CFAP20DC: variants seen among roughly 807,000 people sequenced by gnomAD.
CFAP20DC encodes the protein protein CFAP20DC.
In CFAP20DC, 84 loss-of-function variants were observed where a neutral mutation model predicts 101.7. The observed-to-expected ratio is 0.83, with a 90% CI of 0.69 to 0.99. CFAP20DC has a LOEUF of 0.99. Among genes scored for constraint, CFAP20DC ranks in the 50% least tolerant of loss-of-function variants. The probability of loss-of-function intolerance (pLI) is 0.00; values close to 1 mark genes in which losing one functional copy is unlikely to be tolerated. For missense variants in CFAP20DC, 1,007 were observed against 970.3 expected (o/e 1.04, Z -0.50); for synonymous variants, 359 against 351.2 (o/e 1.02, Z -0.25).
At chr3:58,853,162 A>C (rs1277363999) in intron 12 of CFAP20DC, among the ~76,000 whole-genome samples, 1 of 152,180 alleles carries the variant, frequency 6.6e-6, no homozygotes, top group African/African-American at 2.4e-5. Context: ...ATCACCACTG[A>C]TCCCACAGAA....
At chr3:58,890,223 G>A (rs1169671779) in intron 6 of CFAP20DC, among the ~76,000 whole-genome samples, 1 of 149,744 alleles carries the variant, frequency 6.7e-6, no homozygotes, top group Non-Finnish European at 1.5e-5. Flanking sequence ...GGCTGGCCGG[G>A]CAGAGGGGCT....
At chr3:58,936,555 A>G (rs574295933) in intron 5 of CFAP20DC, among the ~76,000 whole-genome samples, 1 of 152,364 alleles carries the variant, frequency 6.6e-6, no homozygotes, top group East Asian at 1.9e-4. Flanking sequence ...CTGGATTAAA[A>G]AAATGTGGCA....
intron 13 of CFAP20DC, among the ~76,000 whole-genome samples, chr3:58,848,149 C>G (rs1262205962): frequency 3.9e-4 from 34 of 86,474 alleles, no homozygotes; most frequent in African/African-American, 1.7e-3. Flanking sequence ...CACATGTACC[C>G]TAAAACTTAA....
intron 15 of CFAP20DC, among the ~76,000 whole-genome samples, chr3:58,777,219 C>A (rs941595410): frequency 1.3e-5 from 2 of 152,180 alleles, no homozygotes; most frequent in African/African-American, 4.8e-5. Context: ...AACCATTTGT[C>A]TCTTACCTAC....
intron 15 of CFAP20DC, among the ~76,000 whole-genome samples, chr3:58,767,325 C>T (rs530273124): frequency 1.3e-5 from 2 of 152,138 alleles, no homozygotes; most frequent in Admixed American, 6.6e-5. Context: ...CACACACCTG[C>T]TTCTTTATAG....
At chr3:59,028,756 C>G (rs1370133397) in intron 4 of CFAP20DC, among the ~76,000 whole-genome samples, 2 of 152,146 alleles carry the variant, frequency 1.3e-5, no homozygotes, top group African/African-American at 4.8e-5. Flanking sequence ...CAGGCTAATT[C>G]TGAGGATTAA....
chr3:59,011,083 G>A (rs995109173), intron 4 of CFAP20DC, among the ~76,000 whole-genome samples: 2 of 152,150 alleles, frequency 1.3e-5, no homozygotes, highest in Non-Finnish European at 2.9e-5. Context: ...AAAGTTCGCA[G>A]CATTAAATGC....
chr3:58,803,752 A>G (rs1234015412), intron 15 of CFAP20DC, among the ~76,000 whole-genome samples: 1 of 152,216 alleles, frequency 6.6e-6, no homozygotes, highest in Admixed American at 6.5e-5. Context: ...AAACTGGTAG[A>G]TAACTTGCTG....
At chr3:58,878,889 T>A (rs1023979859) in intron 7 of CFAP20DC, among the ~76,000 whole-genome samples, 2 of 151,938 alleles carry the variant, frequency 1.3e-5, no homozygotes, top group Non-Finnish European at 2.9e-5. Flanking sequence ...GCACCTGTAG[T>A]CCCAGCTACT....
chr3:59,020,137 G>A (rs2093773923), intron 4 of CFAP20DC, among the ~76,000 whole-genome samples: 1 of 151,988 alleles, frequency 6.6e-6, no homozygotes, highest in Non-Finnish European at 1.5e-5. Flanking sequence ...ATGCTAACAT[G>A]ACATGGATTT....
Position 58,913,810 on chromosome 3 carries a change from C to T in CFAP20DC, c.448G>A (p.Ala150Thr). 1 of 1,613,598 alleles carries T rather than the reference C, an allele frequency of 6.2e-7. No homozygotes were observed. The highest frequency in any genetic ancestry group is 8.5e-7 in the Non-Finnish European group (1 of 1,179,724). Residue 150 changes from alanine to threonine, a missense_variant, in exon 6 of 17, where the codon GCA (alanine) becomes ACA (threonine). Physicochemically the swap from Ala to Thr is moderately conservative, Grantham distance 58. Transcript: ENST00000482387. This position sits in a 1 kb window ranked among gnomAD's most constrained non-coding sequence, Gnocchi z 4.4. ...VAFTSEIFKG[A>T]VFQSLDGIVV... ...ATTCCATCCAATGACTGGAAAACTG[C>T]CCCCTTGAATATTTCACTGGTGAAT...
At chr3:58,815,834 G>A (rs1218300172) in intron 14 of CFAP20DC, among the ~76,000 whole-genome samples, 2 of 150,440 alleles carry the variant, frequency 1.3e-5, no homozygotes, top group Non-Finnish European at 3.0e-5. Flanking sequence ...CAGTTAGAAT[G>A]GCAATCATTA....
chr3:58,832,389 C>T (rs1193532101), intron 13 of CFAP20DC, among the ~76,000 whole-genome samples: 1 of 152,148 alleles, frequency 6.6e-6, no homozygotes, highest in African/African-American at 2.4e-5. Context: ...GCTCTCACTG[C>T]CTTTCCTAGG....
At chr3:58,740,202 C>A (rs2067850964), downstream of CFAP20DC, among the ~76,000 whole-genome samples, 1 of 152,134 alleles carries the variant, frequency 6.6e-6, no homozygotes, top group Non-Finnish European at 1.5e-5. This position sits in a 1 kb window ranked among gnomAD's most constrained non-coding sequence, Gnocchi z 4.6. Context: ...ATGGCAAAAT[C>A]AATCAGAGAT....
chr3:58,742,195 G>T lies in CFAP20DC; in HGVS notation c.*265C>A. ...TTATCTGAAATAAACAAAATTATAT[G>T]TAGAATGAGAACAAACAAGAACCAA... On this transcript the variant is annotated 3_prime_UTR_variant, in exon 17 of 17. Transcript: ENST00000482387. 1.0e-6 allele frequency: 1 copy of T among 971,772 alleles called. No homozygotes were observed. Among genetic ancestry groups the T allele is most frequent in the Non-Finnish European group, 1.2e-6 (1 of 802,428 alleles). The allele number at this position is 971,772 out of a possible 1,614,324, so 60.2% of individuals were successfully genotyped here.
At chr3:58,883,636 T>C (rs2081383895) in intron 7 of CFAP20DC, among the ~76,000 whole-genome samples, 1 of 152,208 alleles carries the variant, frequency 6.6e-6, no homozygotes, top group Non-Finnish European at 1.5e-5. Flanking sequence ...TCTTCCTCCA[T>C]ACATGTCCTG....
chr3:58,924,075 T>A (rs1374162121), intron 5 of CFAP20DC, among the ~76,000 whole-genome samples: 1 of 152,292 alleles, frequency 6.6e-6, no homozygotes, highest in East Asian at 1.9e-4. Context: ...AGTTCTAGAA[T>A]GCAAAAAATT....
Position 58,983,221 on chromosome 3 carries a change from T to C in CFAP20DC, c.279-45459A>G, listed in dbSNP as rs529203340. 3.3e-5 allele frequency among the ~76,000 whole-genome samples: 5 copies of C among 152,338 alleles called. No homozygotes were observed. In the East Asian group the frequency reaches 5.8e-4, roughly 18 times the overall value. ...TTAAGTGGACATCTGTGGAGTGCTA[T>C]GGCAACTGGGTGGGTTTTATGGGCC... On this transcript the variant is annotated intron_variant, in intron 4 of 16. Transcript: ENST00000482387.
chr3:58,949,399 C>T (rs2089798153), intron 4 of CFAP20DC, among the ~76,000 whole-genome samples: 1 of 152,016 alleles, frequency 6.6e-6, no homozygotes, highest in Non-Finnish European at 1.5e-5. Context: ...TAGATCTTTC[C>T]TGCTTTCACT....
Sources: allele counts gnomAD v4.1 joint callset (sites outside exome capture counted in the v4.1 genomes callset), GRCh38; gene constraint gnomAD v4.1.1; non-coding constraint Gnocchi (gnomAD v3.1); transcripts MANE v1.5; gene names NCBI Gene and HGNC (gene_info 2026-07-23, HGNC 2026-07-21).